Variants in ZNRF2 observed in about 807,000 individuals in gnomAD.
The protein encoded by ZNRF2 is zinc and ring finger 2.
In ZNRF2, 16 loss-of-function variants were observed where a neutral mutation model predicts 20.4. That is an observed-to-expected ratio of 0.79 (90% CI 0.53 to 1.19). The LOEUF (loss-of-function observed/expected upper bound fraction) is 1.19, where lower values mean the gene tolerates loss of function less well. Ranked by LOEUF, ZNRF2 falls within the 50% of genes most tolerant of loss-of-function variation. The probability of loss-of-function intolerance (pLI) is 0.00; values close to 1 mark genes in which losing one functional copy is unlikely to be tolerated. For missense variants in ZNRF2, 363 were observed against 332.4 expected, an observed-to-expected ratio of 1.09 and a Z score of -0.72; for synonymous variants, 178 against 144.9, an observed-to-expected ratio of 1.23 and a Z score of -1.64.
At chr7:30,331,902 G>T (rs1302713356) in intron 2 of ZNRF2, among the ~76,000 whole-genome samples, 1 of 152,090 alleles carries the variant, frequency 6.6e-6, no homozygotes, top group Non-Finnish European at 1.5e-5. Flanking sequence ...ACTTTATAAA[G>T]ATAATGGATC....
At chr7:30,290,637 A>G (rs1311047861) in intron 1 of ZNRF2, among the ~76,000 whole-genome samples, 3 of 152,248 alleles carry the variant, frequency 2.0e-5, no homozygotes, top group Admixed American at 2.0e-4. Flanking sequence ...CATTCATTAG[A>G]AGCAAGTCAT....
chr7:30,300,399 G>A (rs967484115), intron 1 of ZNRF2, among the ~76,000 whole-genome samples: 1 of 151,894 alleles, frequency 6.6e-6, no homozygotes, highest in Non-Finnish European at 1.5e-5. Context: ...CACCCGCCTC[G>A]GCCTCCCAAA....
intron 1 of ZNRF2, chr7:30,288,907 CG>C (rs1282161285): frequency 2.0e-5 from 3 of 152,190 alleles, no homozygotes; most frequent in Admixed American, 6.5e-5. Flanking sequence ...TTTACGTCTA[CG>C]TTTTTTTTTC....
At chr7:30,346,694 A>G (rs536913368) in intron 2 of ZNRF2, among the ~76,000 whole-genome samples, 57 of 152,064 alleles carry the variant, frequency 3.7e-4, no homozygotes, top group Admixed American at 1.2e-3. Context: ...TTTTCACTCT[A>G]TTCCTATCTC....
intron 1 of ZNRF2, among the ~76,000 whole-genome samples, chr7:30,286,796 A>C (rs771982267): frequency 6.6e-6 from 1 of 152,208 alleles, no homozygotes; most frequent in East Asian, 1.9e-4. Flanking sequence ...ATTTCATCGC[A>C]TTATGTATCT....
intron 1 of ZNRF2, among the ~76,000 whole-genome samples, chr7:30,295,406 C>T (rs1425404049): frequency 1.3e-5 from 2 of 152,098 alleles, no homozygotes; most frequent in African/African-American, 4.8e-5. Context: ...TCTGTACCTC[C>T]GTTTTCTCAT....
chr7:30,342,668 A>T (rs1799814177), intron 2 of ZNRF2, among the ~76,000 whole-genome samples: 1 of 151,842 alleles, frequency 6.6e-6, no homozygotes, highest in Admixed American at 6.6e-5. Flanking sequence ...TGCTTTCCTT[A>T]GGTATGCGTT....
chr7:30,298,180 C>T (rs2391858), intron 1 of ZNRF2, among the ~76,000 whole-genome samples: 4 of 151,550 alleles, frequency 2.6e-5, no homozygotes, highest in Non-Finnish European at 5.9e-5. Context: ...GGGTACAATA[C>T]CTTTTTCTAA....
chr7:30,285,250 T>TA lies in ZNRF2; in HGVS notation c.-108_-107insA. ...GCGGCCCTGGACGTGCGGGGGCCTC[T>TA]CTGGGCCGGCCGCGGCGCCTGGGCC... On this transcript the variant is annotated 5_prime_UTR_variant, in exon 1 of 5. Transcript: ENST00000323037. 2.4e-6 allele frequency: 2 copies of TA among 841,060 alleles called. No individual in the cohort carries two copies. The highest frequency in any genetic ancestry group is 2.9e-6 in the Non-Finnish European group (2 of 683,320). 52.1% of individuals were successfully genotyped at this position (841,060 alleles called of 1,614,324 possible). A position where few individuals can be genotyped will look rare whatever the true frequency, so the allele number is the denominator to read the frequency against.
chr7:30,300,513 AAGAT>A (rs199571556), intron 1 of ZNRF2, among the ~76,000 whole-genome samples: 2,042 of 152,332 alleles, frequency 0.013, 19 homozygotes, highest in South Asian at 0.035. Flanking sequence ...GCTCTAATAA[AAGAT>A]AGACTTAATT....
chr7:30,358,946 A>C (rs1470792095), intron 3 of ZNRF2, among the ~76,000 whole-genome samples: 1 of 152,216 alleles, frequency 6.6e-6, no homozygotes, highest in Non-Finnish European at 1.5e-5. Flanking sequence ...GGTATAAACA[A>C]GTGCTGGCAC....
intron 1 of ZNRF2, among the ~76,000 whole-genome samples, chr7:30,313,877 T>C (rs1799326851): frequency 1.3e-5 from 2 of 152,208 alleles, no homozygotes; most frequent in South Asian, 4.1e-4. Context: ...GTATATTCGA[T>C]TTTACAAGGT....
intron 2 of ZNRF2, among the ~76,000 whole-genome samples, chr7:30,348,174 T>TAAAAAAA (rs551400861): frequency 8.7e-6 from 1 of 114,920 alleles, no homozygotes; most frequent in African/African-American, 3.1e-5. Flanking sequence ...TTAAAAATGT[T>TAAAAAAA]AAAAAAAAAA....
At chr7:30,331,037 G>C (rs1387379190) in intron 2 of ZNRF2, among the ~76,000 whole-genome samples, 1 of 152,124 alleles carries the variant, frequency 6.6e-6, no homozygotes, top group Non-Finnish European at 1.5e-5. Context: ...CAAACTGACT[G>C]TTCTCCATGG....
chr7:30,353,916 G>A (rs1371797549), intron 2 of ZNRF2, among the ~76,000 whole-genome samples: 1 of 152,066 alleles, frequency 6.6e-6, no homozygotes, highest in Non-Finnish European at 1.5e-5. Context: ...TAAGTGGTGA[G>A]AATATACCAT....
intron 2 of ZNRF2, among the ~76,000 whole-genome samples, chr7:30,339,989 T>C (rs1230370905): frequency 6.6e-6 from 1 of 152,180 alleles, no homozygotes; most frequent in East Asian, 1.9e-4. Context: ...TCTTGTAAGT[T>C]GTATTCCTAG....
intron 1 of ZNRF2, among the ~76,000 whole-genome samples, chr7:30,304,858 C>T (rs918691927): frequency 6.6e-6 from 1 of 152,068 alleles, no homozygotes; most frequent in African/African-American, 2.4e-5. Flanking sequence ...GAGCTCTGTG[C>T]CCCTGGTGTG....
At chr7:30,347,353 T>G (rs1799894422) in intron 2 of ZNRF2, among the ~76,000 whole-genome samples, 1 of 152,122 alleles carries the variant, frequency 6.6e-6, no homozygotes, top group Admixed American at 6.5e-5. Flanking sequence ...CAGGGAGAGT[T>G]TTCATTTTCA....
Position 30,312,264 on chromosome 7 carries a change from A to G in ZNRF2, c.470-11378A>G, listed in dbSNP as rs377639983. The stretch of plus-strand genomic sequence containing the variant: ...TCAGAGTGTTGGGATTACAGACGCG[A>G]GCTACTATGCCAGCCCTCTGAGGAT... On this transcript the variant is annotated intron_variant, in intron 1 of 4. Transcript: ENST00000323037. 1.3e-5 allele frequency among the ~76,000 whole-genome samples: 2 copies of G among 152,172 alleles called. 1 individual carries two copies. Among genetic ancestry groups the G allele is most frequent in the East Asian group, 3.8e-4 (2 of 5,196 alleles).
Sources: gnomAD v4.1 joint callset for allele counts (sites outside exome capture counted in the v4.1 genomes callset) on GRCh38, gnomAD v4.1.1 for gene constraint, MANE v1.5 for transcripts, NCBI Gene and HGNC (gene_info 2026-07-23, HGNC 2026-07-21) for gene names.